GPATCH1: variants seen among roughly 807,000 people sequenced by gnomAD.
GPATCH1 encodes G-patch domain containing 1, also known as G patch domain-containing protein 1.
GPATCH1 carries 73 observed loss-of-function variants against 114.9 expected under a neutral mutation model. That is an observed-to-expected ratio of 0.64 (90% CI 0.53 to 0.77). The LOEUF is 0.77. Among genes scored for constraint, GPATCH1 ranks in the 30% least tolerant of loss-of-function variants. GPATCH1 has a pLI of 0.00. For synonymous variants in GPATCH1, 391 were observed against 428.4 expected (o/e 0.91, Z 1.08); for missense variants, 1,058 against 1,144.3 (o/e 0.92, Z 1.09).
At chr19:33,105,165 C>T (rs1972769178) in intron 9 of GPATCH1, among the ~76,000 whole-genome samples, 1 of 152,058 alleles carries the variant, frequency 6.6e-6, no homozygotes, top group Non-Finnish European at 1.5e-5. Context: ...GGCGTGGTGG[C>T]TTACGCCTGT....
At chr19:33,114,232 T>C (rs1972891117) in intron 14 of GPATCH1, 21 bp from the exon 15 acceptor site, 2 of 1,595,182 alleles carry the variant, frequency 1.3e-6, no homozygotes, top group Non-Finnish European at 8.6e-7. Flanking sequence ...CTGGAGTTTA[T>C]ATCTATGTCC....
At chr19:33,083,860 C>T (rs1360188221) in intron 1 of GPATCH1, among the ~76,000 whole-genome samples, 1 of 151,662 alleles carries the variant, frequency 6.6e-6, no homozygotes, top group Non-Finnish European at 1.5e-5. Flanking sequence ...CCCAGGCTGG[C>T]ATGCAATGGT....
rs759908888 is a variant in GPATCH1 at position 33,104,338 on chromosome 19, C to CAA, written c.1081-2350_1081-2349dup. On this transcript the variant is annotated intron_variant, in intron 9 of 19. Transcript: ENST00000170564. Reference sequence around the variant, plus strand: ...TGGGCAACAGAGTGAGACCCTGTCTCAAAAAAAAGAAAGAAATACTTTGAA... The same window carrying CAA: ...TGGGCAACAGAGTGAGACCCTGTCTCAAAAAAAAAAGAAAGAAATACTTTGAA... Among the ~76,000 whole-genome samples the CAA allele has an allele frequency of 3.2e-5, 4 of 124,958 alleles. 1 individual carries two copies. The highest frequency in any genetic ancestry group is 3.0e-4 in the South Asian group (1 of 3,312). The allele number at this position is 124,958 out of a possible 152,430, so 82.0% of individuals were successfully genotyped here.
At chr19:33,097,373 C>G (rs1176728423) in intron 7 of GPATCH1, among the ~76,000 whole-genome samples, 1 of 152,228 alleles carries the variant, frequency 6.6e-6, no homozygotes, top group African/African-American at 2.4e-5. Context: ...CCCTTAGACC[C>G]CAGCCACCAG....
At chr19:33,083,480 C>T (rs893962744) in intron 1 of GPATCH1, among the ~76,000 whole-genome samples, 9 of 150,190 alleles carry the variant, frequency 6.0e-5, no homozygotes, top group East Asian at 4.1e-4. Context: ...CTGCAACCTC[C>T]GCCTTCCAGG....
intron 18 of GPATCH1, among the ~76,000 whole-genome samples, chr19:33,126,276 A>G (rs1463620460): frequency 6.6e-6 from 1 of 152,218 alleles, no homozygotes; most frequent in Non-Finnish European, 1.5e-5. Context: ...CGGAGGTGGC[A>G]CAGGTCACCA....
intron 17 of GPATCH1, among the ~76,000 whole-genome samples, chr19:33,123,138 G>A (rs1245815357): frequency 2.0e-5 from 3 of 151,642 alleles, no homozygotes; most frequent in Non-Finnish European, 4.4e-5. Context: ...GGTGGCTCAC[G>A]CCTGTAATCC....
Position 33,093,643 on chromosome 19 carries a change from AAAAGGGGGTTTTGCGT to A in GPATCH1, c.455+130_455+145del, listed in dbSNP as rs1377630879. 1.3e-5 allele frequency: 12 copies of A among 909,422 alleles called. No homozygotes were observed. In the Admixed American group the frequency reaches 2.8e-4, roughly 21 times the overall value. The allele number at this position is 909,422 out of a possible 1,614,324, so 56.3% of individuals were successfully genotyped here. ...CTTCTTAGGCTCAAAGTCTAAGTGA[AAAAGGGGGTTTTGCGT>A]AAAGGATCTTGCACTGTCATTGCAC... On this transcript the variant is annotated intron_variant, in intron 4 of 19. Transcript: ENST00000170564.
intron 13 of GPATCH1, 180 bp from the exon 14 acceptor site, chr19:33,113,587 A>G: frequency 1.8e-6 from 1 of 554,834 alleles, no homozygotes; most frequent in South Asian, 2.5e-5. Flanking sequence ...CATAATAAGG[A>G]AAATCTCATG....
chr19:33,111,190 GC>G (rs1476048555), intron 11 of GPATCH1, among the ~76,000 whole-genome samples: 2 of 151,000 alleles, frequency 1.3e-5, no homozygotes, highest in East Asian at 3.9e-4. Flanking sequence ...GTGCCACCAC[GC>G]CTGGTAATTT....
At chr19:33,091,178 G>A (rs1176458333) in intron 3 of GPATCH1, among the ~76,000 whole-genome samples, 2 of 152,034 alleles carry the variant, frequency 1.3e-5, no homozygotes, top group Non-Finnish European at 2.9e-5. Context: ...TTGGGAGGCC[G>A]AGACAGGCGG....
chr19:33,111,736 G>C lies in GPATCH1; in HGVS notation c.1598G>C (p.Arg533Pro). ...TCTGCCCCCGCAGATGCTCTGGAAC[G>C]CTGTCTGGACCCCAGCATGACAGAG... is the stretch of plus-strand genomic sequence containing the variant. ...MKQGQKDALE[R>P]CLDPSMTEWE... is the part of the protein sequence containing the mutation. The change falls in exon 12 of 20, where the codon CGC (arginine) becomes CCC (proline). Residue 533 changes from arginine to proline, a missense_variant. Arg to Pro is a moderately radical substitution (Grantham distance 103, BLOSUM62 -2). This residue lies in a region of GPATCH1 where 893 missense variants were observed against 977.4 expected (regional missense o/e 0.91). Coordinates refer to ENST00000170564, the MANE Select transcript of GPATCH1 (RefSeq NM_018025.3). 1.2e-6 allele frequency: 2 copies of C among 1,613,842 alleles called. No homozygotes were observed. The highest frequency in any genetic ancestry group is 1.7e-6 in the Non-Finnish European group (2 of 1,179,972).
At chr19:33,094,555 A>G (rs750582309) in intron 5 of GPATCH1, among the ~76,000 whole-genome samples, 28 of 152,178 alleles carry the variant, frequency 1.8e-4, no homozygotes, top group Non-Finnish European at 2.9e-4. Context: ...GCAAATTCCA[A>G]TAAACGAAAT....
intron 9 of GPATCH1, 126 bp from the exon 10 acceptor site, chr19:33,106,569 C>T: frequency 1.4e-6 from 1 of 718,660 alleles, no homozygotes; most frequent in South Asian, 1.7e-5. Flanking sequence ...CTTGTGCTAC[C>T]TGCCTGCTGA....
At chr19:33,094,925 G>T (rs1399035098) in intron 5 of GPATCH1, among the ~76,000 whole-genome samples, 1 of 152,092 alleles carries the variant, frequency 6.6e-6, no homozygotes, top group Admixed American at 6.6e-5. Flanking sequence ...GGCACTTTGG[G>T]ATGCTGAGGT....
At chr19:33,104,110 G>A (rs1402311241) in intron 9 of GPATCH1, among the ~76,000 whole-genome samples, 4 of 151,432 alleles carry the variant, frequency 2.6e-5, no homozygotes, top group Admixed American at 6.6e-5. Flanking sequence ...CGGGCAGATC[G>A]CTAGAGTCCA....
At chr19:33,122,934 T>A (rs945069567) in intron 17 of GPATCH1, among the ~76,000 whole-genome samples, 4 of 151,776 alleles carry the variant, frequency 2.6e-5, no homozygotes, top group Middle Eastern at 6.8e-3. Flanking sequence ...TAGCCTGGTG[T>A]GGTGGTACAT....
At position 33,094,286 on chromosome 19, in the gene GPATCH1, AT is replaced by A; in HGVS notation, c.553+19del. ...AGAAACCTGGTGTGTATGTTAATTGATTAACTGTTATCACTGCTGCAGCGTA... is the reference window on the plus strand; with the variant it reads ...AGAAACCTGGTGTGTATGTTAATTGATAACTGTTATCACTGCTGCAGCGTA... On this transcript the variant is annotated intron_variant, in intron 5 of 19. Coordinates refer to ENST00000170564, the MANE Select transcript of GPATCH1 (RefSeq NM_018025.3). 1.6e-6 allele frequency: 2 copies of A among 1,269,180 alleles called. No individual in the cohort carries two copies. Among genetic ancestry groups the A allele is most frequent in the Admixed American group, 1.7e-5 (1 of 58,496 alleles). The allele number at this position is 1,269,180 out of a possible 1,614,324, so 78.6% of individuals were successfully genotyped here.
intron 17 of GPATCH1, among the ~76,000 whole-genome samples, chr19:33,123,175 C>T (rs533006546): frequency 4.7e-4 from 71 of 151,528 alleles, no homozygotes; most frequent in Middle Eastern, 3.4e-3. Flanking sequence ...CCAAGGTGGG[C>T]GGATCACCTG....
Sources: gnomAD v4.1 joint callset for allele counts (sites outside exome capture counted in the v4.1 genomes callset) on GRCh38, gnomAD v4.1.1 for gene constraint, gnomAD v4.1.1 regional missense constraint, MANE v1.5 for transcripts, NCBI Gene and HGNC (gene_info 2026-07-23, HGNC 2026-07-21) for gene names.